GRM1: variants seen among roughly 807,000 people sequenced by gnomAD.
GRM1 encodes the protein metabotropic glutamate receptor 1.
Under a neutral mutation model 90.9 loss-of-function variants are expected in GRM1, and 33 were observed. The ratio of observed to expected loss-of-function variants is 0.36; its 90% confidence interval spans 0.28 to 0.49. The LOEUF (loss-of-function observed/expected upper bound fraction) is 0.49, where lower values mean the gene tolerates loss of function less well. GRM1 is among the 20% of genes least tolerant of loss of function. GRM1 has a pLI of 0.99. For missense variants in GRM1, 1,190 were observed against 1,534.3 expected, an observed-to-expected ratio of 0.78 and a Z score of 3.75; for synonymous variants, 700 against 613.2, an observed-to-expected ratio of 1.14 and a Z score of -2.09.
At chr6:146,088,234 T>A (rs141096478) in intron 1 of GRM1, among the ~76,000 whole-genome samples, 1 of 152,290 alleles carries the variant, frequency 6.6e-6, no homozygotes, top group East Asian at 1.9e-4. Flanking sequence ...GTGTATATTC[T>A]TTCAGTGTAA....
At chr6:146,352,809 A>T (rs1351955275) in intron 4 of GRM1, among the ~76,000 whole-genome samples, 1 of 152,140 alleles carries the variant, frequency 6.6e-6, no homozygotes, top group Non-Finnish European at 1.5e-5. Context: ...TAAAGAAATT[A>T]CACTTGGCCA....
At chr6:146,318,249 T>C (rs969848351) in intron 3 of GRM1, among the ~76,000 whole-genome samples, 2 of 151,954 alleles carry the variant, frequency 1.3e-5, no homozygotes, top group Non-Finnish European at 2.9e-5. Flanking sequence ...GAACATGCAG[T>C]GTTTGCTTTT....
chr6:146,330,556 T>TA (rs1424935730), intron 3 of GRM1, among the ~76,000 whole-genome samples: 2 of 152,212 alleles, frequency 1.3e-5, no homozygotes, highest in South Asian at 2.1e-4. Flanking sequence ...ATATTGGATT[T>TA]AAAAAAAATC....
upstream of GRM1, among the ~76,000 whole-genome samples, chr6:146,028,984 G>T (rs1790603722): frequency 6.6e-6 from 1 of 152,174 alleles, no homozygotes; most frequent in Non-Finnish European, 1.5e-5. Context: ...CGAGTTGGCG[G>T]GGCTCTGCGC....
intron 2 of GRM1, among the ~76,000 whole-genome samples, chr6:146,188,308 A>G (rs994718042): frequency 1.3e-5 from 2 of 152,156 alleles, no homozygotes; most frequent in African/African-American, 4.8e-5. Context: ...AGTTCAAGAC[A>G]AAAACAATTT....
chr6:146,164,986 GT>G lies in GRM1; in HGVS notation c.950+5393del, dbSNP rs370256591. ...TGCTTGTCCCTTACTACTGTGTGCT[GT>G]TTTATCTATTGCTTCTCGCAACTCT... On this transcript the variant is annotated intron_variant, in intron 2 of 7. Coordinates refer to ENST00000282753, the MANE Select transcript of GRM1 (RefSeq NM_001278064.2). Among the ~76,000 whole-genome samples, 807 of 151,022 alleles carry G rather than the reference GT, an allele frequency of 5.3e-3. 6 individuals are homozygous for G. The highest frequency in any genetic ancestry group is 0.019 in the African/African-American group (774 of 41,070).
chr6:146,136,891 C>T (rs1407620828), intron 1 of GRM1, among the ~76,000 whole-genome samples: 1 of 115,270 alleles, frequency 8.7e-6, no homozygotes, highest in Non-Finnish European at 1.7e-5. Flanking sequence ...CTTGCTCTGT[C>T]ACCCAGGCTG....
At chr6:146,187,603 A>G (rs1177655387) in intron 2 of GRM1, among the ~76,000 whole-genome samples, 3 of 152,148 alleles carry the variant, frequency 2.0e-5, no homozygotes, top group African/African-American at 7.2e-5. Context: ...CACCAAGTAG[A>G]GGGGAGGCAA....
intron 2 of GRM1, among the ~76,000 whole-genome samples, chr6:146,223,551 A>C (rs891333156): frequency 6.6e-6 from 1 of 152,090 alleles, no homozygotes; most frequent in Non-Finnish European, 1.5e-5. Context: ...TTCATGCCAA[A>C]AGGAGGAAAC....
At chr6:146,322,145 C>T (rs747796200) in intron 3 of GRM1, among the ~76,000 whole-genome samples, 1 of 152,186 alleles carries the variant, frequency 6.6e-6, no homozygotes, top group Non-Finnish European at 1.5e-5. Context: ...TTCCTTCTAA[C>T]AGTCAGGCCC....
chr6:146,331,029 A>G (rs1237465511), intron 3 of GRM1, among the ~76,000 whole-genome samples: 1 of 152,208 alleles, frequency 6.6e-6, no homozygotes, highest in Admixed American at 6.5e-5. Context: ...ACAAGGAAGC[A>G]CATACTATAC....
chr6:146,300,963 A>C (rs1009396356), intron 2 of GRM1, among the ~76,000 whole-genome samples: 1 of 152,230 alleles, frequency 6.6e-6, no homozygotes, highest in East Asian at 1.9e-4. Flanking sequence ...AATCCTTTAA[A>C]ATTTTCTGAA....
chr6:146,344,175 A>G (rs12110433), intron 3 of GRM1, among the ~76,000 whole-genome samples: 1,593 of 152,282 alleles, frequency 0.01, 18 homozygotes, highest in African/African-American at 0.036. Context: ...AACAATGATA[A>G]AATGCTGACT....
chr6:146,169,078 T>C (rs1397600359), intron 2 of GRM1, among the ~76,000 whole-genome samples: 3 of 152,160 alleles, frequency 2.0e-5, no homozygotes, highest in African/African-American at 7.2e-5. Flanking sequence ...GTGTTTGACT[T>C]CTTGACATTT....
intron 1 of GRM1, among the ~76,000 whole-genome samples, chr6:146,125,655 T>G (rs1343336767): frequency 6.6e-6 from 1 of 152,108 alleles, no homozygotes; most frequent in Non-Finnish European, 1.5e-5. Context: ...GTTTATCACA[T>G]TTAGTAGCAC....
intron 1 of GRM1, among the ~76,000 whole-genome samples, chr6:146,139,092 T>C (rs1364251096): frequency 6.6e-6 from 1 of 152,150 alleles, no homozygotes; most frequent in African/African-American, 2.4e-5. Context: ...CCACCGGTCA[T>C]TCAGGAGCAT....
rs1290721545 is a variant in GRM1, at chr6:146,029,639, T to G, written c.122T>G (p.Met41Arg). The change falls in exon 1 of 8, where the codon ATG becomes AGG. Residue 41 changes from methionine to arginine, a missense_variant. This residue lies in a region of GRM1 where 25 missense variants were observed against 65.9 expected (regional missense o/e 0.38). Transcript: ENST00000282753. ...TCGTCTCAGCGCTCGGTGGCCAGAATGGACGGAGATGTCATCATTGGAGCC... is the reference window on the plus strand; with the variant it reads ...TCGTCTCAGCGCTCGGTGGCCAGAAGGGACGGAGATGTCATCATTGGAGCC... ...GASSQRSVAR[M>R]DGDVIIGALF... 6.2e-7 allele frequency: 1 copy of G among 1,614,060 alleles called. No homozygotes were observed. Among genetic ancestry groups the G allele is most frequent in the Non-Finnish European group, 8.5e-7 (1 of 1,179,994 alleles).
At chr6:146,412,039 A>G (rs534179066) in intron 7 of GRM1, among the ~76,000 whole-genome samples, 3 of 152,264 alleles carry the variant, frequency 2.0e-5, no homozygotes, top group Non-Finnish European at 2.9e-5. Context: ...TGATGCCATC[A>G]AATGTTTAAC....
At chr6:146,079,801 A>T (rs1776303110) in intron 1 of GRM1, among the ~76,000 whole-genome samples, 1 of 152,246 alleles carries the variant, frequency 6.6e-6, no homozygotes, top group Non-Finnish European at 1.5e-5. Context: ...TCATAAAGCC[A>T]GGCGTTGTAG....
Sources: gnomAD v4.1 joint callset for allele counts (sites outside exome capture counted in the v4.1 genomes callset) on GRCh38, gnomAD v4.1.1 for gene constraint, gnomAD v4.1.1 regional missense constraint, MANE v1.5 for transcripts, NCBI Gene and HGNC (gene_info 2026-07-23, HGNC 2026-07-21) for gene names.